The following RASA4B variants were observed in gnomAD, a reference collection of about 807,000 sequenced individuals.
RASA4B encodes ras GTPase-activating protein 4B.
A neutral mutation model predicts 24.2 loss-of-function variants in RASA4B; 2 were observed. The observed-to-expected ratio is 0.08, with a 90% CI of 0.03 to 0.26. RASA4B has a LOEUF of 0.26. Among genes scored for constraint, RASA4B ranks in the 10% least tolerant of loss-of-function variants. The pLI is 1.00. For missense variants in RASA4B, 8 were observed against 277.2 expected (o/e 0.03, Z 6.90); for synonymous variants, 2 against 125.6 (o/e 0.02, Z 6.58).
At chr7:102,506,272 G>A (rs1799501387) in intron 5 of RASA4B, among the ~76,000 whole-genome samples, 2 of 152,406 alleles carry the variant, frequency 1.3e-5, no homozygotes, top group Admixed American at 1.3e-4. Context: ...TTTTTTTTGA[G>A]ATACAGTCTC....
At chr7:102,486,034 CA>C (rs1246005727) in intron 18 of RASA4B, among the ~76,000 whole-genome samples, 1 of 149,686 alleles carries the variant, frequency 6.7e-6, no homozygotes, top group Non-Finnish European at 1.5e-5. Flanking sequence ...ATCAGCCAGC[CA>C]GCAATGCCCT....
At chr7:102,489,741 A>T in intron 17 of RASA4B, among the ~76,000 whole-genome samples, 1 of 140,930 alleles carries the variant, frequency 7.1e-6, no homozygotes. Context: ...TTGCTCCCTT[A>T]GTCCCTTCTG....
chr7:102,509,113 T>TAAA (rs1799629700), intron 4 of RASA4B, among the ~76,000 whole-genome samples: 2 of 6,582 alleles, frequency 3.0e-4, no homozygotes, highest in African/African-American at 6.0e-4. Context: ...GGCCTTTTTT[T>TAAA]TAAAAAAAAA....
intron 5 of RASA4B, among the ~76,000 whole-genome samples, chr7:102,506,356 C>A (rs1238529459): frequency 1.3e-5 from 2 of 151,914 alleles, no homozygotes; most frequent in Non-Finnish European, 3.0e-5. Flanking sequence ...GTTCAAGACT[C>A]CTGCCTCAGC....
rs1370595276 is a variant in RASA4B, at chr7:102,480,351, C to T, written c.*3241G>A. On this transcript the variant is annotated 3_prime_UTR_variant, in exon 21 of 21. Transcript: ENST00000465829. ...AGGGGGTTGGCAGAAGCCAGCAAGG[C>T]TTGGGGTTTCCCTGTTTGGAGCTCT... 6.6e-6 allele frequency among the ~76,000 whole-genome samples: 1 copy of T among 151,568 alleles called. No individual in the cohort carries two copies. The highest frequency in any genetic ancestry group is 1.5e-5 in the Non-Finnish European group (1 of 67,864).
intron 2 of RASA4B, among the ~76,000 whole-genome samples, chr7:102,510,717 C>A (rs1799664281): frequency 6.6e-6 from 1 of 151,436 alleles, no homozygotes; most frequent in Admixed American, 6.6e-5. Context: ...GTTGGCCAGG[C>A]TGCTCTCGAA....
At chr7:102,498,902 C>T (rs1244066284) in intron 8 of RASA4B, among the ~76,000 whole-genome samples, 29 of 86,060 alleles carry the variant, frequency 3.4e-4, no homozygotes, top group Non-Finnish European at 5.2e-4. Flanking sequence ...CCGGCCATCA[C>T]GGTGAAACCC....
Position 102,481,631 on chromosome 7 carries a change from A to C in RASA4B, c.*1961T>G, listed in dbSNP as rs1305941573. On this transcript the variant is annotated 3_prime_UTR_variant, in exon 21 of 21. Coordinates refer to ENST00000465829, the MANE Select transcript of RASA4B (RefSeq NM_001367767.2). ...AGTGAACCAAGATCAAGCCATTTGCACTCCAGCCTGGGCAACACAGTGAGA... is the reference window on the plus strand; with the variant it reads ...AGTGAACCAAGATCAAGCCATTTGCCCTCCAGCCTGGGCAACACAGTGAGA... 1.2e-3 allele frequency among the ~76,000 whole-genome samples: 117 copies of C among 94,554 alleles called. No individual in the cohort carries two copies. The highest frequency in any genetic ancestry group is 3.6e-3 in the African/African-American group (108 of 30,420). The allele number at this position is 94,554 out of a possible 152,430, so 62.0% of individuals were successfully genotyped here.
intron 18 of RASA4B, among the ~76,000 whole-genome samples, chr7:102,485,453 G>GT (rs1159448978): frequency 6.7e-5 from 10 of 149,626 alleles, no homozygotes; most frequent in Non-Finnish European, 9.0e-5. Context: ...GTAACTTTTG[G>GT]TTTTTTTTGA....
chr7:102,498,133 A>G (rs1315368528), intron 8 of RASA4B, among the ~76,000 whole-genome samples: 1 of 126,968 alleles, frequency 7.9e-6, no homozygotes, highest in African/African-American at 2.7e-5. Flanking sequence ...TCCTGGGCTC[A>G]AGTGATCCTC....
At chr7:102,511,731 G>A (rs1352318610) in intron 2 of RASA4B, among the ~76,000 whole-genome samples, 194 bp downstream of exon 2, 1 of 32,524 alleles carries the variant, frequency 3.1e-5, no homozygotes, top group African/African-American at 9.4e-5. Context: ...GGCCAGGCCA[G>A]TTCCCTGAAG....
chr7:102,497,105 C>A lies in RASA4B; in HGVS notation c.738-141G>T. ...CCCTCCATTCGGGTGCCCTGCATAG[C>A]TCTGCCTCCCAGGCTCTGCCCGGGC... On this transcript the variant is annotated intron_variant, in intron 8 of 20. Transcript: ENST00000465829. 7.9e-6 allele frequency: 7 copies of A among 880,564 alleles called. 1 individual carries two copies. Among genetic ancestry groups the A allele is most frequent in the Non-Finnish European group, 1.2e-5 (7 of 565,354 alleles). The allele number at this position is 880,564 out of a possible 1,614,324, so 54.5% of individuals were successfully genotyped here.
At chr7:102,489,490 AATTAATTT>A (rs1798823279) in intron 17 of RASA4B, among the ~76,000 whole-genome samples, 1 of 129,170 alleles carries the variant, frequency 7.7e-6, no homozygotes, top group Non-Finnish European at 1.7e-5. Flanking sequence ...TTAATTTACT[AATTAATTT>A]ATTTATTTAT....
At chr7:102,484,658 C>T (rs1798645584) in intron 19 of RASA4B, among the ~76,000 whole-genome samples, 1 of 134,460 alleles carries the variant, frequency 7.4e-6, no homozygotes, top group African/African-American at 2.5e-5. Flanking sequence ...AGTGATGGGG[C>T]CTTGGCATCC....
At chr7:102,487,167 G>A (rs1379786203) in intron 18 of RASA4B, among the ~76,000 whole-genome samples, 11 of 80,976 alleles carry the variant, frequency 1.4e-4, no homozygotes, top group Admixed American at 6.6e-4. Context: ...GATGCATGCC[G>A]GTAGTGCCAG....
intron 8 of RASA4B, among the ~76,000 whole-genome samples, chr7:102,498,831 G>T (rs1436725805): frequency 3.0e-5 from 3 of 100,158 alleles, no homozygotes; most frequent in African/African-American, 6.8e-5. Flanking sequence ...ACGCCCAGCG[G>T]TTATTTTTAT....
At chr7:102,505,049 T>TC (rs1799457536) in intron 5 of RASA4B, among the ~76,000 whole-genome samples, 1 of 118,350 alleles carries the variant, frequency 8.4e-6, no homozygotes, top group South Asian at 2.9e-4. Flanking sequence ...ATTGAGAATC[T>TC]CCCCAGAAAA....
chr7:102,497,055 C>A (rs4727530), intron 8 of RASA4B, 91 bp from the exon 9 acceptor site: 260,872 of 1,304,982 alleles, frequency 0.2, 565 homozygotes, highest in Admixed American at 0.22. Flanking sequence ...TCCCTTGGGG[C>A]CGGCTTCCCA....
intron 16 of RASA4B, among the ~76,000 whole-genome samples, chr7:102,491,493 C>A (rs371345497): frequency 1.9e-5 from 1 of 52,550 alleles, no homozygotes; most frequent in African/African-American, 3.1e-5. Context: ...CCTGACCGGG[C>A]GCAGTGGCTC....
Sources: gnomAD v4.1 joint callset for allele counts (sites outside exome capture counted in the v4.1 genomes callset) on GRCh38, gnomAD v4.1.1 for gene constraint, MANE v1.5 for transcripts, NCBI Gene and HGNC (gene_info 2026-07-23, HGNC 2026-07-21) for gene names.